Variants in LRBA observed in about 807,000 individuals in gnomAD.
LRBA encodes lipopolysaccharide-responsive and beige-like anchor protein.
Under a neutral mutation model 330.0 loss-of-function variants are expected in LRBA, and 176 were observed. The ratio of observed to expected loss-of-function variants is 0.53; its 90% CI spans 0.47 to 0.60. The LOEUF (loss-of-function observed/expected upper bound fraction) is 0.60, where lower values mean the gene tolerates loss of function less well. LRBA is among the 20% of genes least tolerant of loss of function. The pLI, the probability that LRBA is intolerant of heterozygous loss-of-function variation, is 0.00. For synonymous variants in LRBA, 1,230 were observed against 1,193.0 expected (o/e 1.03, Z -0.64); for missense variants, 3,259 against 3,444.8 (o/e 0.95, Z 1.35).
intron 37 of LRBA, among the ~76,000 whole-genome samples, chr4:150,617,958 G>C (rs1325653917): frequency 6.6e-6 from 1 of 151,978 alleles, no homozygotes; most frequent in Non-Finnish European, 1.5e-5. Flanking sequence ...AATACAAAAA[G>C]CTGAGTGAGA....
chr4:150,399,003 A>G (rs562920739), intron 47 of LRBA, among the ~76,000 whole-genome samples: 1 of 152,304 alleles, frequency 6.6e-6, no homozygotes, highest in African/African-American at 2.4e-5. Context: ...AAAATACAGA[A>G]AATTAAATTG....
intron 30 of LRBA, among the ~76,000 whole-genome samples, chr4:150,820,255 T>C (rs924773055): frequency 6.6e-6 from 1 of 152,034 alleles, no homozygotes; most frequent in Non-Finnish European, 1.5e-5. Flanking sequence ...TCTAGGTTTA[T>C]CTAACAGCAG....
At chr4:150,674,189 G>T (rs1360314105) in intron 37 of LRBA, among the ~76,000 whole-genome samples, 5 of 146,934 alleles carry the variant, frequency 3.4e-5, no homozygotes, top group Admixed American at 6.8e-5. Flanking sequence ...TGGTTTTGGG[G>T]TTTTTTTTTT....
intron 2 of LRBA, among the ~76,000 whole-genome samples, chr4:150,951,245 C>CA (rs1301573968): frequency 1.3e-5 from 2 of 151,310 alleles, no homozygotes; most frequent in East Asian, 1.9e-4. Context: ...GGATTAATTC[C>CA]AAAAAAAGAA....
intron 40 of LRBA, among the ~76,000 whole-genome samples, chr4:150,577,999 C>T (rs151322490): frequency 3.2e-4 from 49 of 152,322 alleles, no homozygotes; most frequent in African/African-American, 1.2e-3. Flanking sequence ...GTTCAAGCTT[C>T]ATCAGCAGTG....
At chr4:150,273,857 A>G (rs1746438766) in intron 56 of LRBA, among the ~76,000 whole-genome samples, 1 of 152,134 alleles carries the variant, frequency 6.6e-6, no homozygotes, top group Admixed American at 6.5e-5. Flanking sequence ...ACACAATAAT[A>G]GTGGGAGATT....
At chr4:150,689,343 A>T (rs564973481) in intron 36 of LRBA, among the ~76,000 whole-genome samples, 26 of 152,300 alleles carry the variant, frequency 1.7e-4, no homozygotes, top group African/African-American at 6.0e-4. Flanking sequence ...TAGCATTAAG[A>T]GAAATACCTA....
intron 55 of LRBA, among the ~76,000 whole-genome samples, chr4:150,278,740 A>C (rs1747133070): frequency 6.6e-6 from 1 of 152,128 alleles, no homozygotes; most frequent in Non-Finnish European, 1.5e-5. Context: ...GTTTCATATA[A>C]TTGTTTAACA....
At chr4:150,303,054 A>G (rs1729878596) in intron 52 of LRBA, among the ~76,000 whole-genome samples, 1 of 152,226 alleles carries the variant, frequency 6.6e-6, no homozygotes, top group Admixed American at 6.5e-5. Context: ...ATGGCACTGT[A>G]TCATTACAAA....
At chr4:150,501,113 A>T (rs1464931862) in intron 40 of LRBA, among the ~76,000 whole-genome samples, 1 of 152,244 alleles carries the variant, frequency 6.6e-6, no homozygotes, top group South Asian at 2.1e-4. Context: ...TTATGAATAA[A>T]ACTTAAATAA....
chr4:150,927,160 G>C (rs1733972698), intron 4 of LRBA, among the ~76,000 whole-genome samples: 1 of 151,734 alleles, frequency 6.6e-6, no homozygotes, highest in African/African-American at 2.4e-5. Context: ...AGATCACAAG[G>C]TTAGGAGATC....
rs529537774 is a variant in LRBA, at chr4:150,735,725, T to C, written c.5646-359A>G. ...CACAAAGGACAATCAGTGTGACTTTTTACATTAAGGCATTTGCTATTCCCA... is the reference window on the plus strand; with the variant it reads ...CACAAAGGACAATCAGTGTGACTTTCTACATTAAGGCATTTGCTATTCCCA... On this transcript the variant is annotated intron_variant, in intron 35 of 56. Coordinates refer to ENST00000651943, the MANE Select transcript of LRBA (RefSeq NM_001364905.1). Among the ~76,000 whole-genome samples the C allele has an allele frequency of 4.6e-5, 7 of 152,248 alleles. No individual in the cohort carries two copies. In the South Asian group the frequency reaches 1.2e-3, roughly 27 times the overall value.
intron 37 of LRBA, among the ~76,000 whole-genome samples, chr4:150,640,846 A>G (rs1339291151): frequency 2.0e-5 from 3 of 152,178 alleles, no homozygotes; most frequent in Non-Finnish European, 1.5e-5. Flanking sequence ...TTAAGTTCCT[A>G]CTATCCTACA....
At chr4:150,543,167 G>A (rs972625417) in intron 40 of LRBA, among the ~76,000 whole-genome samples, 2 of 152,042 alleles carry the variant, frequency 1.3e-5, no homozygotes, top group East Asian at 3.9e-4. Flanking sequence ...CAAATGTTGG[G>A]ACTTGAAAAG....
intron 34 of LRBA, among the ~76,000 whole-genome samples, chr4:150,763,773 C>T (rs1735403434): frequency 6.6e-6 from 1 of 151,618 alleles, no homozygotes; most frequent in Middle Eastern, 3.4e-3. Context: ...AACAGTAGAA[C>T]AGGAACAAAT....
intron 36 of LRBA, among the ~76,000 whole-genome samples, chr4:150,722,484 G>A (rs1729067948): frequency 1.3e-5 from 2 of 152,086 alleles, no homozygotes; most frequent in South Asian, 4.1e-4. Context: ...AAACATGAAT[G>A]TTATAAATTT....
intron 35 of LRBA, among the ~76,000 whole-genome samples, chr4:150,753,620 T>G (rs1202973773): frequency 6.6e-6 from 1 of 152,172 alleles, no homozygotes; most frequent in South Asian, 2.1e-4. Flanking sequence ...TCACATACAT[T>G]TGGTCTTGGT....
intron 23 of LRBA, 63 bp from the exon 24 acceptor site, chr4:150,850,965 T>A: frequency 2.5e-6 from 3 of 1,220,128 alleles, no homozygotes; most frequent in Non-Finnish European, 3.5e-6. Flanking sequence ...TTTAGCAAAG[T>A]AAATAATTTA....
At chr4:150,423,058 A>T in intron 46 of LRBA, 1 of 794,892 alleles carries the variant, frequency 1.3e-6, no homozygotes, top group Non-Finnish European at 2.3e-6. Flanking sequence ...CTCAGACAGG[A>T]TGTCACAGGT....
Sources: allele counts gnomAD v4.1 joint callset (sites outside exome capture counted in the v4.1 genomes callset), GRCh38; gene constraint gnomAD v4.1.1; transcripts MANE v1.5; gene names NCBI Gene and HGNC (gene_info 2026-07-23, HGNC 2026-07-21).